Variants in PARP14 observed in about 807,000 individuals in gnomAD.
PARP14 encodes poly(ADP-ribose) polymerase family member 14.
Under a neutral mutation model 154.2 loss-of-function variants are expected in PARP14, and 59 were observed. The ratio of observed to expected loss-of-function variants is 0.38; its 90% CI spans 0.31 to 0.48. PARP14 has a LOEUF of 0.48. PARP14 is among the 20% of genes least tolerant of loss of function. PARP14 has a pLI of 0.98. For missense variants in PARP14, 1,734 were observed against 2,131.6 expected, an observed-to-expected ratio of 0.81 and a Z score of 3.67; for synonymous variants, 720 against 780.5, an observed-to-expected ratio of 0.92 and a Z score of 1.29.
At chr3:122,683,495 G>A (rs1257167598) in intron 1 of PARP14, among the ~76,000 whole-genome samples, 2 of 152,264 alleles carry the variant, frequency 1.3e-5, no homozygotes, top group South Asian at 2.1e-4. Flanking sequence ...AACATTTTAA[G>A]CCCTGTTTCA....
chr3:122,723,531 T>C (rs1560085565), intron 15 of PARP14, among the ~76,000 whole-genome samples: 1 of 152,234 alleles, frequency 6.6e-6, no homozygotes, highest in Non-Finnish European at 1.5e-5. Flanking sequence ...CTTGATAATA[T>C]CATTTATTTC....
chr3:122,703,024 CAAAAA>C (rs1939035251), intron 6 of PARP14, among the ~76,000 whole-genome samples: 3 of 85,572 alleles, frequency 3.5e-5, no homozygotes, highest in African/African-American at 1.3e-4. Flanking sequence ...AAAAAAAAAA[CAAAAA>C]ACAAAAAACA....
intron 9 of PARP14, among the ~76,000 whole-genome samples, chr3:122,711,821 T>C (rs183985599): frequency 6.6e-6 from 1 of 152,344 alleles, no homozygotes; most frequent in Admixed American, 6.5e-5. Context: ...GAGGGTTGTA[T>C]GTTTCCAGGA....
At chr3:122,716,468 C>A (rs533477023) in intron 12 of PARP14, among the ~76,000 whole-genome samples, 9 of 152,248 alleles carry the variant, frequency 5.9e-5, no homozygotes, top group Admixed American at 1.3e-4. Context: ...GAAAAGGATC[C>A]AGTTCACAAG....
Position 122,707,241 on chromosome 3 carries a change from C to T in PARP14, c.3541-949C>T, listed in dbSNP as rs972708277. On this transcript the variant is annotated intron_variant, in intron 8 of 16. Transcript: ENST00000474629. ...CAGCCTGGCTAACATGGTGAAACCC[C>T]GTCTCTACTAAAAATACAAAAATTA... 1.6e-4 allele frequency among the ~76,000 whole-genome samples: 25 copies of T among 151,866 alleles called. No homozygotes were observed. The East Asian group carries it at 3.5e-3, about 21-fold the overall frequency.
chr3:122,690,377 C>T (rs1311466856), intron 3 of PARP14, among the ~76,000 whole-genome samples: 1 of 152,058 alleles, frequency 6.6e-6, no homozygotes, highest in Non-Finnish European at 1.5e-5. Context: ...TATGTAGTTG[C>T]TTTATGCTTA....
rs562092728 is a variant in PARP14, at chr3:122,722,150, T to C, written c.4941+1762T>C. 10 of 152,240 alleles carry C rather than the reference T, an allele frequency of 6.6e-5. No homozygotes were observed. The South Asian group carries it at 2.1e-3, about 32-fold the overall frequency. 9.4% of individuals were successfully genotyped at this position (152,240 alleles called of 1,614,324 possible). A position where few individuals can be genotyped will look rare whatever the true frequency, so the allele number is the denominator to read the frequency against. On this transcript the variant is annotated intron_variant, in intron 15 of 16. Transcript: ENST00000474629. ...ACTCCTGAGAGATTTCTCTTGTGGA[T>C]CAAGTACTAGAGAATATCCTCAACG...
chr3:122,714,069 C>T (rs544365222), intron 11 of PARP14, 135 bp downstream of exon 11: 2 of 792,618 alleles, frequency 2.5e-6, no homozygotes, highest in East Asian at 2.5e-5. Context: ...ATTCCAATCA[C>T]AGACACTTAG....
chr3:122,711,277 T>C (rs1939312951), intron 9 of PARP14, among the ~76,000 whole-genome samples: 1 of 152,200 alleles, frequency 6.6e-6, no homozygotes, highest in Admixed American at 6.5e-5. Context: ...GCCTATTTTG[T>C]TGAGGGTTTT....
rs771806174 is a variant in PARP14, at chr3:122,700,263, T to C, written c.1709T>C (p.Leu570Pro). Residue 570 changes from leucine (L) to proline (P), a missense_variant, in exon 6 of 17, where the codon CTA becomes CCA. Coordinates refer to ENST00000474629, the MANE Select transcript of PARP14 (RefSeq NM_017554.3). ...CAGAAGATTCTTGCACTTTATGAGC[T>C]AGAGGGTACAACTGTTCTCTTAACC... ...IAQKILALYE[L>P]EGTTVLLTSC... 1.2e-6 allele frequency: 2 copies of C among 1,613,028 alleles called. No homozygotes were observed. The highest frequency in any genetic ancestry group is 1.7e-6 in the Non-Finnish European group (2 of 1,179,360).
chr3:122,703,630 G>T, intron 6 of PARP14, 112 bp from the exon 7 acceptor site: 1 of 618,470 alleles, frequency 1.6e-6, no homozygotes. Flanking sequence ...CACTGAAACC[G>T]TAGTCATCTT....
chr3:122,717,225 G>C (rs2107652923), intron 12 of PARP14, among the ~76,000 whole-genome samples: 1 of 152,274 alleles, frequency 6.6e-6, no homozygotes, highest in South Asian at 2.1e-4. Flanking sequence ...AATTAGCCAG[G>C]TGGGCTCTTA....
intron 5 of PARP14, among the ~76,000 whole-genome samples, chr3:122,696,849 T>G (rs1206667959): frequency 6.6e-6 from 1 of 152,198 alleles, no homozygotes; most frequent in East Asian, 1.9e-4. Flanking sequence ...CTAACTTTTT[T>G]GACCACACCT....
rs1190119211 is a variant in PARP14 at position 122,681,381 on chromosome 3, G to A, written c.187+311G>A. On this transcript the variant is annotated intron_variant, in intron 1 of 16. Transcript: ENST00000474629. The surrounding 1 kb of genome is among the most constrained non-coding windows in gnomAD (Gnocchi z 5.5). ...CCCTGTTGTGGTGGTGTTATTGTTT[G>A]TTGTTGTTGTTGTGGAAGTGAGTCT... Among the ~76,000 whole-genome samples the A allele has an allele frequency of 6.6e-6, 1 of 152,186 alleles. No individual in the cohort carries two copies. Among genetic ancestry groups the A allele is most frequent in the Non-Finnish European group, 1.5e-5 (1 of 68,018 alleles).
Position 122,727,883 on chromosome 3 carries a change from T to TGGCCA in PARP14, c.5015_5019dup (p.Thr1674AlafsTer4). On this transcript the variant is annotated frameshift_variant, in exon 16 of 17. Coordinates refer to ENST00000474629, the MANE Select transcript of PARP14 (RefSeq NM_017554.3). LOFTEE classifies it high-confidence loss of function. ...AGAAAAAAACTATGGATGCCAAGAATGGCCAGACAATGAATGAGAAGCAAC... is the reference window on the plus strand; with the variant it reads ...AGAAAAAAACTATGGATGCCAAGAATGGCCAGGCCAGACAATGAATGAGAAGCAAC... 1 of 1,613,598 alleles carries TGGCCA rather than the reference T, an allele frequency of 6.2e-7. No homozygotes were observed. The highest frequency in any genetic ancestry group is 8.5e-7 in the Non-Finnish European group (1 of 1,179,528).
Position 122,718,653 on chromosome 3 carries a change from G to C in PARP14, c.4502G>C (p.Ser1501Thr), listed in dbSNP as rs780385854. The C allele has an allele frequency of 6.8e-6, 11 of 1,613,838 alleles. No homozygotes were observed. The highest frequency in any genetic ancestry group is 9.3e-6 in the Non-Finnish European group (11 of 1,179,872). The change falls in exon 14 of 17, where the codon AGC becomes ACC. Residue 1501 changes from serine (S) to threonine (T), a missense_variant. Ser to Thr is a moderately conservative substitution (Grantham distance 58). Coordinates refer to ENST00000474629, the MANE Select transcript of PARP14 (RefSeq NM_017554.3). Reference protein sequence around the residue: ...KRPLIKVLGISRDVMQARDEI... With the variant: ...KRPLIKVLGITRDVMQARDEI... Reference sequence around the variant, plus strand: ...CCTTTGATTAAGGTTTTGGGAATTAGCAGAGATGTGATGCAGGCTAGAGAT... The same window carrying C: ...CCTTTGATTAAGGTTTTGGGAATTACCAGAGATGTGATGCAGGCTAGAGAT...
intron 9 of PARP14, among the ~76,000 whole-genome samples, chr3:122,711,407 T>G (rs763459535): frequency 3.4e-4 from 52 of 152,236 alleles, no homozygotes; most frequent in Non-Finnish European, 5.0e-4. Flanking sequence ...TTTTATATGT[T>G]AAACCATCCC....
rs772617411 is a variant in PARP14 at position 122,701,137 on chromosome 3, G to A, written c.2583G>A (p.Pro861=). 36 of 1,613,814 alleles carry A rather than the reference G, an allele frequency of 2.2e-5. No individual in the cohort carries two copies. The Admixed American group carries it at 2.3e-4, about 10-fold the overall frequency. Reference sequence around the variant, plus strand: ...TGAAGAGAGAGGGCAGACTCCTACCGGGCAATGCCACCATCTCCAAGGCAG... The same window carrying A: ...TGAAGAGAGAGGGCAGACTCCTACCAGGCAATGCCACCATCTCCAAGGCAG... ...QIVKREGRLL[P]GNATISKAGK... The change falls in exon 6 of 17, where the codon CCG becomes CCA. Residue 861 remains proline, a synonymous_variant. Transcript: ENST00000474629. This position sits in a 1 kb window ranked among gnomAD's most constrained non-coding sequence, Gnocchi z 4.0.
At chr3:122,720,830 G>A (rs1456444511) in intron 15 of PARP14, 8 of 456,702 alleles carry the variant, frequency 1.8e-5, no homozygotes, top group African/African-American at 4.0e-5. Context: ...TTGGGCAGGT[G>A]AATGTGATGA....
Sources: gnomAD v4.1 joint callset for allele counts (sites outside exome capture counted in the v4.1 genomes callset) on GRCh38, gnomAD v4.1.1 for gene constraint, Gnocchi (gnomAD v3.1) non-coding constraint, MANE v1.5 for transcripts, NCBI Gene and HGNC (gene_info 2026-07-23, HGNC 2026-07-21) for gene names.